The following ZBTB8A variants were observed in gnomAD, a reference collection of about 807,000 sequenced individuals.
ZBTB8A encodes zinc finger and BTB domain-containing protein 8A.
ZBTB8A carries 19 observed loss-of-function variants against 37.8 expected under a neutral mutation model. The ratio of observed to expected loss-of-function variants is 0.50; its 90% CI spans 0.35 to 0.74. The LOEUF is 0.74. Ranked by LOEUF, ZBTB8A falls within the 30% of genes least tolerant of loss-of-function variation. The pLI is 0.01. For synonymous variants in ZBTB8A, 181 were observed against 185.2 expected (o/e 0.98, Z 0.19); for missense variants, 394 against 537.8 (o/e 0.73, Z 2.65).
rs537273336 is a variant in ZBTB8A, at chr1:32,560,208, A to G, written c.-2+6668A>G. 1.3e-4 allele frequency among the ~76,000 whole-genome samples: 20 copies of G among 152,248 alleles called. No homozygotes were observed. The South Asian group carries it at 3.1e-3, about 24-fold the overall frequency. ...AAACCATCATGAGAACTCTGCCCCAATGGTCCAATCGCCTCACATTAGGCC... is the reference window on the plus strand; with the variant it reads ...AAACCATCATGAGAACTCTGCCCCAGTGGTCCAATCGCCTCACATTAGGCC... On this transcript the variant is annotated intron_variant, in intron 2 of 4. Coordinates refer to ENST00000373510, the MANE Select transcript of ZBTB8A (RefSeq NM_001040441.3).
chr1:32,588,983 C>CAA (rs369219794), intron 2 of ZBTB8A, among the ~76,000 whole-genome samples: 1 of 145,136 alleles, frequency 6.9e-6, no homozygotes, highest in African/African-American at 2.5e-5. Flanking sequence ...GACTCTATCT[C>CAA]AAAAAAAAAA....
chr1:32,581,316 A>C (rs1644405170), intron 2 of ZBTB8A, among the ~76,000 whole-genome samples: 2 of 118,800 alleles, frequency 1.7e-5, no homozygotes, highest in South Asian at 4.6e-4. Flanking sequence ...ATAATATATA[A>C]TATATAAGTA....
chr1:32,600,160 A>G lies in ZBTB8A; in HGVS notation c.1067A>G (p.Gln356Arg), dbSNP rs1450454614. Residue 356 changes from glutamine to arginine, a missense_variant, in exon 5 of 5, where the codon CAG (glutamine) becomes CGG (arginine). Transcript: ENST00000373510. Reference protein sequence around the residue: ...HVTDLTGQVVQEGTRRYRLCN... With the variant: ...HVTDLTGQVVREGTRRYRLCN... ...ACAGATCTAACAGGGCAAGTGGTAC[A>G]GGAGGGAACCAGGCGCTACAGACTG... is the stretch of plus-strand genomic sequence containing the variant. The G allele has an allele frequency of 1.9e-6, 3 of 1,614,130 alleles. No individual in the cohort carries two copies. The highest frequency in any genetic ancestry group is 3.3e-5 in the Admixed American group (2 of 60,002).
chr1:32,541,804 CAG>C (rs1453205138), intron 1 of ZBTB8A, among the ~76,000 whole-genome samples: 1 of 152,154 alleles, frequency 6.6e-6, no homozygotes, highest in Non-Finnish European at 1.5e-5. Flanking sequence ...TCCATGAGGG[CAG>C]AGTCTTCGTG....
At chr1:32,591,546 C>T (rs1323351866) in intron 2 of ZBTB8A, among the ~76,000 whole-genome samples, 1 of 151,786 alleles carries the variant, frequency 6.6e-6, no homozygotes, top group Non-Finnish European at 1.5e-5. Context: ...TCTGATAACA[C>T]TTTTAGACTG....
intron 2 of ZBTB8A, among the ~76,000 whole-genome samples, chr1:32,577,224 T>G (rs1644367315): frequency 6.6e-6 from 1 of 151,962 alleles, no homozygotes; most frequent in African/African-American, 2.4e-5. Flanking sequence ...AGACAGAGTC[T>G]TGCTCTGTTG....
chr1:32,556,664 G>A (rs1459805006), intron 2 of ZBTB8A, among the ~76,000 whole-genome samples: 3 of 152,106 alleles, frequency 2.0e-5, no homozygotes, highest in Non-Finnish European at 4.4e-5. Flanking sequence ...AGATCATGAG[G>A]TCAAGATATC....
At chr1:32,564,916 G>A (rs72652177) in intron 2 of ZBTB8A, among the ~76,000 whole-genome samples, 2,923 of 152,248 alleles carry the variant, frequency 0.019, 31 homozygotes, top group Middle Eastern at 0.031. Context: ...CAAAATCAAT[G>A]ACATTCCACC....
At chr1:32,582,357 A>G (rs370556622) in intron 2 of ZBTB8A, among the ~76,000 whole-genome samples, 5 of 152,132 alleles carry the variant, frequency 3.3e-5, no homozygotes, top group African/African-American at 1.2e-4. Flanking sequence ...GATAAAGGAT[A>G]CTCAACCTGG....
intron 2 of ZBTB8A, among the ~76,000 whole-genome samples, chr1:32,575,434 CCAGGCTGGTCT>C (rs1644352741): frequency 6.6e-6 from 1 of 151,226 alleles, no homozygotes; most frequent in African/African-American, 2.4e-5. Flanking sequence ...ACCATGCTGG[CCAGGCTGGTCT>C]CAAACTCCTG....
chr1:32,605,183 CTG>C lies in ZBTB8A; in HGVS notation c.*4765_*4766del. On this transcript the variant is annotated 3_prime_UTR_variant, in exon 5 of 5. Coordinates refer to ENST00000373510, the MANE Select transcript of ZBTB8A (RefSeq NM_001040441.3). ...AAAAAAAAAAAAAAGATGTGTTTAA[CTG>C]GGAAGGGTGATAATAATAGAATAAT... 1 of 140,540 alleles carries C rather than the reference CTG, an allele frequency of 7.1e-6. No individual in the cohort carries two copies. Among genetic ancestry groups the C allele is most frequent in the East Asian group, 2.1e-4 (1 of 4,722 alleles). The allele number at this position is 140,540 out of a possible 1,614,324, so 8.7% of individuals were successfully genotyped here.
chr1:32,558,586 T>G (rs1644221192), intron 2 of ZBTB8A, among the ~76,000 whole-genome samples: 1 of 152,116 alleles, frequency 6.6e-6, no homozygotes, highest in South Asian at 2.1e-4. Flanking sequence ...ATTCATTTAC[T>G]TATTCGTTTG....
intron 2 of ZBTB8A, among the ~76,000 whole-genome samples, chr1:32,591,456 C>G (rs926592571): frequency 3.3e-5 from 5 of 152,010 alleles, no homozygotes; most frequent in African/African-American, 1.2e-4. Context: ...TGGGCTCAAG[C>G]TGTCCTCCTG....
chr1:32,599,942 C>G, intron 4 of ZBTB8A, 145 bp from the exon 5 acceptor site: 1 of 626,760 alleles, frequency 1.6e-6, no homozygotes, highest in Non-Finnish European at 2.7e-6. Flanking sequence ...ACCACTAAAA[C>G]CCTTGATCTT....
At chr1:32,561,025 C>G (rs563490384) in intron 2 of ZBTB8A, among the ~76,000 whole-genome samples, 19 of 152,136 alleles carry the variant, frequency 1.2e-4, no homozygotes, top group Middle Eastern at 3.4e-3. Context: ...CTGATTTGAT[C>G]AAATACTAAA....
intron 2 of ZBTB8A, among the ~76,000 whole-genome samples, chr1:32,592,166 T>G (rs1488928392): frequency 6.6e-6 from 1 of 152,134 alleles, no homozygotes; most frequent in Non-Finnish European, 1.5e-5. Context: ...TTAAGTGATA[T>G]GTTGAAACCT....
In ZBTB8A at chr1:32,561,559, T is replaced by G. The variant is rs370493891; in HGVS notation, c.-2+8019T>G. On this transcript the variant is annotated intron_variant, in intron 2 of 4. Coordinates refer to ENST00000373510, the MANE Select transcript of ZBTB8A (RefSeq NM_001040441.3). ...TGCTCTTCCTTCTGTGTTTGTGGTT[T>G]TGTTTTTGTTTTTGTTTTTGTTTTT... Among the ~76,000 whole-genome samples, 58 of 150,602 alleles carry G rather than the reference T, an allele frequency of 3.9e-4. No homozygotes were observed. In the East Asian group the frequency reaches 9.1e-3, roughly 24 times the overall value.
chr1:32,587,573 C>A (rs1353356866), intron 2 of ZBTB8A, among the ~76,000 whole-genome samples: 1 of 151,984 alleles, frequency 6.6e-6, no homozygotes, highest in Non-Finnish European at 1.5e-5. Context: ...TTGAGCCCAG[C>A]AGTTTGAGAC....
At chr1:32,567,669 G>GTAGTCCCA (rs1392633093) in intron 2 of ZBTB8A, among the ~76,000 whole-genome samples, 1 of 150,980 alleles carries the variant, frequency 6.6e-6, no homozygotes, top group Non-Finnish European at 1.5e-5. Context: ...GTGGGCGCCT[G>GTAGTCCCA]TAGTCCCAGC....
Sources: gnomAD v4.1 joint callset for allele counts (sites outside exome capture counted in the v4.1 genomes callset) on GRCh38, gnomAD v4.1.1 for gene constraint, MANE v1.5 for transcripts, NCBI Gene and HGNC (gene_info 2026-07-23, HGNC 2026-07-21) for gene names.